The following NRG3 variants were observed in gnomAD, a reference collection of about 807,000 sequenced individuals.
NRG3 encodes the protein pro-neuregulin-3, membrane-bound isoform.
In NRG3, 31 loss-of-function variants were observed where a neutral mutation model predicts 66.9. The ratio of observed to expected loss-of-function variants is 0.46; its 90% CI spans 0.35 to 0.63. The LOEUF (loss-of-function observed/expected upper bound fraction) is 0.63, where lower values mean the gene tolerates loss of function less well. Among genes scored for constraint, NRG3 ranks in the 20% least tolerant of loss-of-function variants. The probability of loss-of-function intolerance (pLI) is 0.00; values close to 1 mark genes in which losing one functional copy is unlikely to be tolerated. For synonymous variants in NRG3, 393 were observed against 359.4 expected (o/e 1.09, Z -1.06); for missense variants, 910 against 878.9 (o/e 1.04, Z -0.45).
chr10:81,994,959 A>T (rs2060880639), intron 1 of NRG3, among the ~76,000 whole-genome samples: 1 of 152,046 alleles, frequency 6.6e-6, no homozygotes, highest in African/African-American at 2.4e-5. Flanking sequence ...TTTCTATGGT[A>T]ACTGCACTTG....
intron 4 of NRG3, among the ~76,000 whole-genome samples, chr10:82,947,684 T>C (rs953518031): frequency 6.6e-6 from 1 of 152,126 alleles, no homozygotes; most frequent in African/African-American, 2.4e-5. Context: ...ATGAACAATG[T>C]TGGGTATCTT....
chr10:82,686,287 A>C (rs1462411084), intron 2 of NRG3, among the ~76,000 whole-genome samples: 1 of 151,736 alleles, frequency 6.6e-6, no homozygotes, highest in Non-Finnish European at 1.5e-5. Flanking sequence ...TCCTGGATTC[A>C]AGCGATTCTC....
At chr10:82,166,920 G>A in intron 1 of NRG3, 1 of 491,442 alleles carries the variant, frequency 2.0e-6, no homozygotes, top group South Asian at 3.3e-5. Flanking sequence ...TTTTAAAGAT[G>A]TGCTTGACTG....
At chr10:82,335,429 G>A (rs1480927044) in intron 1 of NRG3, among the ~76,000 whole-genome samples, 5 of 152,258 alleles carry the variant, frequency 3.3e-5, no homozygotes, top group East Asian at 1.9e-4. Flanking sequence ...TTTGTGTTGA[G>A]TTTTCTGAAC....
intron 1 of NRG3, among the ~76,000 whole-genome samples, chr10:82,219,454 G>A (rs1589362283): frequency 6.6e-6 from 1 of 151,998 alleles, no homozygotes; most frequent in Non-Finnish European, 1.5e-5. Flanking sequence ...CCACTTGCAA[G>A]CTACATCTAC....
At chr10:82,966,464 A>G (rs1287079394) in intron 6 of NRG3, among the ~76,000 whole-genome samples, 1 of 152,152 alleles carries the variant, frequency 6.6e-6, no homozygotes, top group Non-Finnish European at 1.5e-5. Context: ...TTATTATGTC[A>G]TATCAAGATA....
chr10:82,937,655 C>A (rs566991142), intron 4 of NRG3, among the ~76,000 whole-genome samples: 45 of 152,252 alleles, frequency 3.0e-4, no homozygotes, highest in Admixed American at 1.2e-3. Flanking sequence ...GGGAAAGTGG[C>A]CTACAGAAAA....
intron 1 of NRG3, among the ~76,000 whole-genome samples, chr10:82,156,219 T>G (rs1218064308): frequency 6.6e-6 from 1 of 151,636 alleles, no homozygotes; most frequent in East Asian, 1.9e-4. Context: ...AGTATATCAA[T>G]CTACACTTAC....
At chr10:82,903,502 T>C (rs1241763222) in intron 4 of NRG3, among the ~76,000 whole-genome samples, 2 of 152,144 alleles carry the variant, frequency 1.3e-5, no homozygotes, top group African/African-American at 4.8e-5. Flanking sequence ...AAGAAAAAGT[T>C]AAATTGCTTG....
chr10:82,192,997 G>GAGAGAA (rs113323604), intron 1 of NRG3, among the ~76,000 whole-genome samples: 4 of 122,914 alleles, frequency 3.3e-5, no homozygotes, highest in South Asian at 2.4e-4. Flanking sequence ...GAGAGAGAGA[G>GAGAGAA]TTTGTGAGGT....
intron 1 of NRG3, among the ~76,000 whole-genome samples, chr10:82,109,711 T>C (rs61864633): frequency 0.42 from 63,158 of 151,930 alleles, 14,540 homozygotes; most frequent in Non-Finnish European, 0.53. Context: ...AATAATAATA[T>C]TAAGTGACCA....
intron 1 of NRG3, among the ~76,000 whole-genome samples, chr10:82,065,947 A>T (rs1192820410): frequency 6.6e-6 from 1 of 152,224 alleles, no homozygotes. Flanking sequence ...ATTTCAATTT[A>T]GAAATTTTGC....
intron 1 of NRG3, among the ~76,000 whole-genome samples, chr10:82,064,061 GAAACATAATTTTTCCC>G (rs1407024482): frequency 6.6e-6 from 1 of 151,790 alleles, no homozygotes; most frequent in Non-Finnish European, 1.5e-5. Flanking sequence ...ATGTCAACAT[GAAACATAATTTTTCCC>G]AAACAAACTT....
chr10:82,440,983 C>T (rs1427655143), intron 2 of NRG3, among the ~76,000 whole-genome samples: 1 of 152,080 alleles, frequency 6.6e-6, no homozygotes, highest in African/African-American at 2.4e-5. Context: ...GGATTTCTTC[C>T]CAGAAATGAA....
At chr10:82,882,367 A>G (rs1001765505) in intron 4 of NRG3, among the ~76,000 whole-genome samples, 2 of 152,192 alleles carry the variant, frequency 1.3e-5, no homozygotes, top group African/African-American at 4.8e-5. Flanking sequence ...GGCTCTTCAC[A>G]TGTAGTTCCT....
intron 1 of NRG3, among the ~76,000 whole-genome samples, chr10:82,247,094 G>A (rs2077279258): frequency 6.6e-6 from 1 of 152,100 alleles, no homozygotes; most frequent in Admixed American, 6.5e-5. Flanking sequence ...GGAAGTGAGG[G>A]GAAACATTGT....
At chr10:82,430,958 A>G (rs1161505805) in intron 2 of NRG3, among the ~76,000 whole-genome samples, 1 of 152,132 alleles carries the variant, frequency 6.6e-6, no homozygotes, top group Non-Finnish European at 1.5e-5. Context: ...TGACATTTTC[A>G]AGTCTTTTCT....
intron 2 of NRG3, among the ~76,000 whole-genome samples, chr10:82,725,134 T>G (rs1219841448): frequency 3.9e-5 from 6 of 152,214 alleles, no homozygotes; most frequent in Non-Finnish European, 8.8e-5. Context: ...TGTAAGAGTC[T>G]CAGTATTAAA....
Position 82,284,493 on chromosome 10 carries a change from A to C in NRG3, c.824-74246A>C, listed in dbSNP as rs186781499. On this transcript the variant is annotated intron_variant, in intron 1 of 8. Transcript: ENST00000372141. ...CCTGCAGGGTGAGGAGTTTATTAAC[A>C]AGAAACAGTGTTTATCATACTAGGC... Among the ~76,000 whole-genome samples, 8 of 152,318 alleles carry C rather than the reference A, an allele frequency of 5.3e-5. No individual in the cohort carries two copies. In the East Asian group the frequency reaches 1.4e-3, roughly 26 times the overall value.
Sources: allele counts gnomAD v4.1 joint callset (sites outside exome capture counted in the v4.1 genomes callset), GRCh38; gene constraint gnomAD v4.1.1; transcripts MANE v1.5; gene names NCBI Gene and HGNC (gene_info 2026-07-23, HGNC 2026-07-21).